The following CASR variants were observed in gnomAD, a reference collection of about 807,000 sequenced individuals.
CASR encodes the protein calcium sensing receptor, also known as extracellular calcium-sensing receptor.
CASR carries 23 observed loss-of-function variants against 69.1 expected under a neutral mutation model. That is an observed-to-expected ratio of 0.33 (90% CI 0.24 to 0.47). CASR has a LOEUF of 0.47. Ranked by LOEUF, CASR falls within the 20% of genes least tolerant of loss-of-function variation. CASR has a pLI of 1.00. For missense variants in CASR, 924 were observed against 1,356.1 expected, an observed-to-expected ratio of 0.68 and a Z score of 5.00; for synonymous variants, 541 against 544.7, an observed-to-expected ratio of 0.99 and a Z score of 0.10.
intron 1 of CASR, among the ~76,000 whole-genome samples, chr3:122,204,111 C>T (rs755168214): frequency 6.6e-6 from 1 of 152,044 alleles, no homozygotes; most frequent in Non-Finnish European, 1.5e-5. Context: ...CATTCCAATT[C>T]TTCTCTTCTA....
At position 122,200,994 on chromosome 3, in the gene CASR, C is replaced by CTTTTTTT. The variant is rs67815991; in HGVS notation, c.-243+17186_-243+17192dup. Among the ~76,000 whole-genome samples the CTTTTTTT allele has an allele frequency of 3.6e-3, 295 of 81,468 alleles. 8 individuals are homozygous for CTTTTTTT. The highest frequency in any genetic ancestry group is 0.025 in the Middle Eastern group (3 of 122). The allele number at this position is 81,468 out of a possible 152,430, so 53.4% of individuals were successfully genotyped here. ...TGAATATCTTTTGCCCATTGCTTTT[C>CTTTTTTT]TTTTTTTTTTATTTTTTTTTTTTTT... On this transcript the variant is annotated intron_variant, in intron 1 of 6. Transcript: ENST00000639785.
At chr3:122,234,828 T>C (rs1432123301) in intron 1 of CASR, among the ~76,000 whole-genome samples, 1 of 152,166 alleles carries the variant, frequency 6.6e-6, no homozygotes, top group Admixed American at 6.5e-5. Flanking sequence ...CAGCTTCGGG[T>C]GTCATTAGCA....
chr3:122,217,760 G>A (rs1473371935), intron 1 of CASR, among the ~76,000 whole-genome samples: 1 of 152,150 alleles, frequency 6.6e-6, no homozygotes, highest in Non-Finnish European at 1.5e-5. Flanking sequence ...GTACCATTCT[G>A]ATAGTGGTTG....
At chr3:122,202,208 G>C (rs950204294) in intron 1 of CASR, among the ~76,000 whole-genome samples, 24 of 152,280 alleles carry the variant, frequency 1.6e-4, no homozygotes, top group Non-Finnish European at 3.4e-4. Flanking sequence ...CTCGCAGCTA[G>C]GAGCTGGAGA....
chr3:122,245,680 CACCGGTAGGTTACTAT>C (rs1219119318), intron 1 of CASR, among the ~76,000 whole-genome samples: 1 of 151,846 alleles, frequency 6.6e-6, no homozygotes, highest in African/African-American at 2.4e-5. Context: ...TACAGGAACC[CACCGGTAGGTTACTAT>C]GGGTGTTTTT....
At chr3:122,256,652 C>T (rs1359737688) in intron 2 of CASR, among the ~76,000 whole-genome samples, 1 of 152,132 alleles carries the variant, frequency 6.6e-6, no homozygotes, top group Non-Finnish European at 1.5e-5. Flanking sequence ...GAGTCTCACG[C>T]TATCACCCAG....
chr3:122,260,907 T>C (rs1189161084), intron 3 of CASR, among the ~76,000 whole-genome samples: 1 of 151,658 alleles, frequency 6.6e-6, no homozygotes, highest in African/African-American at 2.4e-5. Context: ...AGTACTGGGG[T>C]GCGGGGAGGA....
Position 122,265,064 on chromosome 3 carries a change from T to C in CASR, c.1377+2652T>C, listed in dbSNP as rs182678490. On this transcript the variant is annotated intron_variant, in intron 4 of 6. Coordinates refer to ENST00000639785, the MANE Select transcript of CASR (RefSeq NM_000388.4). ...CCACACCAGAAGGGCCATCAATTTT[T>C]ATCTCTGCTGTCATTTTCCACCAGG... 1.4e-4 allele frequency among the ~76,000 whole-genome samples: 21 copies of C among 152,364 alleles called. 1 individual carries two copies. The East Asian group carries it at 1.9e-3, about 14-fold the overall frequency.
At position 122,234,193 on chromosome 3, in the gene CASR, A is replaced by T. The variant is rs143340786; in HGVS notation, c.-242-19755A>T. Among the ~76,000 whole-genome samples, 8 of 152,370 alleles carry T rather than the reference A, an allele frequency of 5.3e-5. No homozygotes were observed. The East Asian group carries it at 1.5e-3, about 29-fold the overall frequency. On this transcript the variant is annotated intron_variant, in intron 1 of 6. Coordinates refer to ENST00000639785, the MANE Select transcript of CASR (RefSeq NM_000388.4). The stretch of plus-strand genomic sequence containing the variant: ...AAGAGGTCAATCAACTTTTTCAGTA[A>T]AAGGCCAAATATTAACTATTCCAAG...
chr3:122,245,983 A>G (rs2074424332), intron 1 of CASR, among the ~76,000 whole-genome samples: 1 of 152,226 alleles, frequency 6.6e-6, no homozygotes, highest in Non-Finnish European at 1.5e-5. Flanking sequence ...TTTCAGTAAG[A>G]AGAAGCTTGC....
chr3:122,188,086 AG>A (rs146652887), intron 1 of CASR, among the ~76,000 whole-genome samples: 3,041 of 152,300 alleles, frequency 0.02, 49 homozygotes, highest in Non-Finnish European at 0.033. Context: ...AAGCTGCTGG[AG>A]GGTTTTACAT....
At position 122,284,340 on chromosome 3, in the gene CASR, A is replaced by G. The variant is rs2107650430; in HGVS notation, c.2386A>G (p.Lys796Glu). The G allele has an allele frequency of 6.2e-7, 1 of 1,614,090 alleles. No individual in the cohort carries two copies. The highest frequency in any genetic ancestry group is 1.1e-5 in the South Asian group (1 of 91,082). Residue 796 changes from lysine (K) to glutamate (E), a missense_variant, in exon 7 of 7, where the codon AAG becomes GAG. Lys to Glu is a moderately conservative substitution (Grantham distance 56). Around this residue, in one of 8 missense-constraint regions of CASR, gnomAD observed 184 missense variants for 278.8 expected, o/e 0.66. Coordinates refer to ENST00000639785, the MANE Select transcript of CASR (RefSeq NM_000388.4). The part of the protein sequence containing the change: ...ICFFFAFKSR[K>E]LPENFNEAKF... ...CTTCTTCTTTGCCTTCAAGTCCCGG[A>G]AGCTGCCGGAGAACTTCAATGAAGC...
At chr3:122,231,451 T>C (rs866460206) in intron 1 of CASR, among the ~76,000 whole-genome samples, 6 of 152,356 alleles carry the variant, frequency 3.9e-5, no homozygotes, top group Middle Eastern at 3.4e-3. Flanking sequence ...TGGTAGACTT[T>C]ATGCTAAATT....
At chr3:122,256,704 A>G (rs1040121065) in intron 2 of CASR, among the ~76,000 whole-genome samples, 2 of 152,088 alleles carry the variant, frequency 1.3e-5, no homozygotes, top group African/African-American at 4.8e-5. Flanking sequence ...TGCAACTTCC[A>G]TCTCCCAGAT....
intron 1 of CASR, among the ~76,000 whole-genome samples, chr3:122,185,255 C>T (rs1452918026): frequency 6.6e-6 from 1 of 152,180 alleles, no homozygotes; most frequent in Non-Finnish European, 1.5e-5. Context: ...CCTTTCTACA[C>T]CCATAGCCTT....
chr3:122,244,941 C>T lies in CASR; in HGVS notation c.-242-9007C>T, dbSNP rs537736189. Among the ~76,000 whole-genome samples, 6 of 152,154 alleles carry T rather than the reference C, an allele frequency of 3.9e-5. No homozygotes were observed. In the South Asian group the frequency reaches 1.0e-3, roughly 26 times the overall value. On this transcript the variant is annotated intron_variant, in intron 1 of 6. Transcript: ENST00000639785. ...TTTTTGCAATGTTTTTCATGTTTAA[C>T]GTTTATGTCCCTTCATATAGCCATT...
chr3:122,247,152 A>G (rs2074435970), intron 1 of CASR: 1 of 152,210 alleles, frequency 6.6e-6, no homozygotes. Flanking sequence ...TCACGGCATC[A>G]TGAAAAGTGT....
chr3:122,261,604 A>G lies in CASR; in HGVS notation c.569A>G (p.Asp190Gly). ...TCTTTCCTCCGAACCATCCCCAATG[A>G]TGAGCACCAGGCCACTGCCATGGCA... ...FKSFLRTIPNDEHQATAMADI... is the reference protein window; with the variant it reads ...FKSFLRTIPNGEHQATAMADI... Residue 190 changes from aspartate (D) to glycine (G), a missense_variant, in exon 4 of 7, where the codon GAT becomes GGT. Physicochemically the swap from Asp to Gly is moderately conservative, Grantham distance 94. Transcript: ENST00000639785. The G allele has an allele frequency of 6.2e-7, 1 of 1,614,236 alleles. No homozygotes were observed. The highest frequency in any genetic ancestry group is 8.5e-7 in the Non-Finnish European group (1 of 1,180,034).
rs145416265 is a variant in CASR, at chr3:122,233,506, T to C, written c.-242-20442T>C. Among the ~76,000 whole-genome samples the C allele has an allele frequency of 3.1e-3, 475 of 152,110 alleles. 1 individual carries two copies. The highest frequency in any genetic ancestry group is 0.011 in the African/African-American group (453 of 41,486). ...GGTGTTGGGGAGTAGAGCTGGGAAG[T>C]AGCGGAGGAGAAAATGAGGAAGAGA... On this transcript the variant is annotated intron_variant, in intron 1 of 6. Coordinates refer to ENST00000639785, the MANE Select transcript of CASR (RefSeq NM_000388.4).
Sources: allele counts gnomAD v4.1 joint callset (sites outside exome capture counted in the v4.1 genomes callset), GRCh38; gene constraint gnomAD v4.1.1; regional missense constraint gnomAD v4.1.1; transcripts MANE v1.5; gene names NCBI Gene and HGNC (gene_info 2026-07-23, HGNC 2026-07-21).